ARMC3: variants seen among roughly 807,000 people sequenced by gnomAD.
ARMC3 encodes armadillo repeat-containing protein 3.
In ARMC3, 74 loss-of-function variants were observed where a neutral mutation model predicts 90.3. That is an observed-to-expected ratio of 0.82 (90% CI 0.68 to 0.99). The LOEUF (loss-of-function observed/expected upper bound fraction) is 0.99. ARMC3 is among the 50% of genes least tolerant of loss of function. The probability of loss-of-function intolerance (pLI) is 0.00; values close to 1 mark genes in which losing one functional copy is unlikely to be tolerated. For synonymous variants in ARMC3, 334 were observed against 361.8 expected, an observed-to-expected ratio of 0.92 and a Z score of 0.87; for missense variants, 958 against 1,042.8, an observed-to-expected ratio of 0.92 and a Z score of 1.12.
chr10:22,945,879 T>A (rs917813099), intron 2 of ARMC3, among the ~76,000 whole-genome samples: 25 of 152,230 alleles, frequency 1.6e-4, no homozygotes, highest in African/African-American at 6.0e-4. Flanking sequence ...ATTCATTTGA[T>A]TCCACATGGC....
Position 22,955,882 on chromosome 10 carries a change from A to G in ARMC3, c.242A>G (p.Lys81Arg), listed in dbSNP as rs759525965. 10 of 1,612,166 alleles carry G rather than the reference A, an allele frequency of 6.2e-6. No homozygotes were observed. In the South Asian group the frequency reaches 1.1e-4, roughly 18 times the overall value. ...ACTAAGCTACTCACCCATGAAGACA[A>G]AATTGTAAGAAGAAATGCTACTATG... Reference protein sequence around the residue: ...PLTKLLTHEDKIVRRNATMIF... With the variant: ...PLTKLLTHEDRIVRRNATMIF... The change falls in exon 4 of 19, where the codon AAA (lysine) becomes AGA (arginine). Residue 81 changes from lysine (K) to arginine (R), a missense_variant. Transcript: ENST00000298032.
chr10:22,991,612 A>C (rs955159775), intron 10 of ARMC3, among the ~76,000 whole-genome samples: 1 of 152,154 alleles, frequency 6.6e-6, no homozygotes, highest in African/African-American at 2.4e-5. Context: ...AGTAATTTTA[A>C]AATGGTAATT....
chr10:23,021,639 A>T (rs1164176009), intron 16 of ARMC3, among the ~76,000 whole-genome samples: 1 of 152,086 alleles, frequency 6.6e-6, no homozygotes, highest in African/African-American at 2.4e-5. Flanking sequence ...GTGTCTGTTC[A>T]TGTCCTTTGC....
At chr10:22,980,645 G>A (rs1402340556) in intron 8 of ARMC3, among the ~76,000 whole-genome samples, 1 of 152,078 alleles carries the variant, frequency 6.6e-6, no homozygotes, top group African/African-American at 2.4e-5. Context: ...AGAAAACAAT[G>A]TTTAGGGAAC....
At chr10:22,956,392 C>G (rs1284891623) in intron 4 of ARMC3, among the ~76,000 whole-genome samples, 1 of 152,046 alleles carries the variant, frequency 6.6e-6, no homozygotes, top group Non-Finnish European at 1.5e-5. Flanking sequence ...CACTTGAGGT[C>G]AGGAGTTCAA....
intron 8 of ARMC3, among the ~76,000 whole-genome samples, chr10:22,980,022 C>T (rs141077608): frequency 1.4e-4 from 22 of 151,984 alleles, no homozygotes; most frequent in African/African-American, 3.6e-4. Flanking sequence ...CGAAAAAGGA[C>T]GATTTTTTTT....
rs368574276 is a variant in ARMC3, at chr10:22,930,626, C to T, written c.-1-1370C>T. On this transcript the variant is annotated intron_variant, in intron 1 of 18. Coordinates refer to ENST00000298032, the MANE Select transcript of ARMC3 (RefSeq NM_173081.5). ...AAGTATCTAGGAGTTTCTATGAAGA[C>T]GTGGCTTTTTAATGTATGTGATAAA... Among the ~76,000 whole-genome samples the T allele has an allele frequency of 2.2e-4, 34 of 152,194 alleles. No homozygotes were observed. In the East Asian group the frequency reaches 5.0e-3, roughly 22 times the overall value.
At chr10:22,989,888 A>G (rs965332157) in intron 10 of ARMC3, among the ~76,000 whole-genome samples, 2 of 152,218 alleles carry the variant, frequency 1.3e-5, no homozygotes, top group African/African-American at 4.8e-5. Context: ...GAAAAGCTGA[A>G]TTTTGCAATA....
chr10:23,014,103 A>G, intron 16 of ARMC3: 1 of 1,550,108 alleles, frequency 6.5e-7, no homozygotes, highest in Non-Finnish European at 8.7e-7. Context: ...CTGGCAGCTC[A>G]CTCCCCACTT....
intron 2 of ARMC3, among the ~76,000 whole-genome samples, chr10:22,943,396 G>T (rs1167978890): frequency 1.3e-5 from 2 of 151,562 alleles, no homozygotes; most frequent in Non-Finnish European, 2.9e-5. Flanking sequence ...CTTCTTTCTG[G>T]CAGTGTGGAA....
At position 22,931,992 on chromosome 10, in the gene ARMC3, C is replaced by T; in HGVS notation, c.-1-4C>T. ...CTTTAACCATATATTGCATCTTTTT[C>T]CAGGATGGGTAAAAAGATAAAGAAG... is the stretch of plus-strand genomic sequence containing the variant. On this transcript the variant is annotated splice_region_variant and splice_polypyrimidine_tract_variant and intron_variant, in intron 1 of 18. Coordinates refer to ENST00000298032, the MANE Select transcript of ARMC3 (RefSeq NM_173081.5). 1 of 1,604,100 alleles carries T rather than the reference C, an allele frequency of 6.2e-7. No individual in the cohort carries two copies. The highest frequency in any genetic ancestry group is 8.5e-7 in the Non-Finnish European group (1 of 1,176,248).
chr10:23,007,839 C>T (rs1837701294), intron 14 of ARMC3, among the ~76,000 whole-genome samples: 1 of 152,164 alleles, frequency 6.6e-6, no homozygotes, highest in Non-Finnish European at 1.5e-5. Context: ...TGCAGTGGCT[C>T]ATGCCTATAA....
intron 3 of ARMC3, among the ~76,000 whole-genome samples, chr10:22,950,296 T>C (rs912860154): frequency 4.1e-4 from 63 of 152,030 alleles, no homozygotes; most frequent in Non-Finnish European, 1.6e-4. Flanking sequence ...ATTGTGCAAC[T>C]TGAAACATAT....
intron 16 of ARMC3, among the ~76,000 whole-genome samples, chr10:23,027,816 C>T (rs1838772747): frequency 6.6e-6 from 1 of 151,880 alleles, no homozygotes; most frequent in African/African-American, 2.4e-5. Flanking sequence ...TACCACAGGT[C>T]CCTGAGTGTC....
intron 2 of ARMC3, among the ~76,000 whole-genome samples, chr10:22,943,129 T>C (rs1834384711): frequency 6.6e-6 from 1 of 152,216 alleles, no homozygotes; most frequent in Non-Finnish European, 1.5e-5. Context: ...TGGAGAGCTC[T>C]GAATTAATAT....
At chr10:22,937,560 G>A (rs778472949) in intron 2 of ARMC3, among the ~76,000 whole-genome samples, 6 of 152,086 alleles carry the variant, frequency 3.9e-5, no homozygotes, top group African/African-American at 1.4e-4. Context: ...AGGAGTTTGC[G>A]GGGCAATCAA....
intron 14 of ARMC3, among the ~76,000 whole-genome samples, chr10:23,007,471 C>A (rs999344071): frequency 6.6e-6 from 1 of 152,116 alleles, no homozygotes; most frequent in African/African-American, 2.4e-5. Context: ...ACTTTGGGAG[C>A]CGAGGCGGGC....
intron 8 of ARMC3, among the ~76,000 whole-genome samples, chr10:22,979,454 T>G (rs1410339716): frequency 6.6e-6 from 1 of 152,218 alleles, no homozygotes; most frequent in Non-Finnish European, 1.5e-5. Flanking sequence ...AGTATCTATT[T>G]AAATTATTTT....
Position 23,037,383 on chromosome 10 carries a change from C to T in ARMC3, c.2523C>T (p.Leu841=), listed in dbSNP as rs777746153. 2 of 1,613,954 alleles carry T rather than the reference C, an allele frequency of 1.2e-6. No individual in the cohort carries two copies. ...CTCGGAAGGGAGTGATTGGGGGCCT[C>T]CCCGCTCCTGAGATGTACGTGATTG... ...NDSRKGVIGG[L]PAPEMYVIDL... Residue 841 remains leucine (L), a synonymous_variant, in exon 19 of 19, where the codon CTC becomes CTT. Transcript: ENST00000298032.
Sources: allele counts gnomAD v4.1 joint callset (sites outside exome capture counted in the v4.1 genomes callset), GRCh38; gene constraint gnomAD v4.1.1; transcripts MANE v1.5; gene names NCBI Gene and HGNC (gene_info 2026-07-23, HGNC 2026-07-21).